Variants in TRPC4AP observed in about 807,000 individuals in gnomAD.
TRPC4AP encodes transient receptor potential cation channel subfamily C member 4 associated protein.
A neutral mutation model predicts 99.0 loss-of-function variants in TRPC4AP; 45 were observed. The observed-to-expected ratio is 0.45, with a 90% CI of 0.36 to 0.58. TRPC4AP has a LOEUF of 0.58. Among genes scored for constraint, TRPC4AP ranks in the 20% least tolerant of loss-of-function variants. TRPC4AP has a pLI of 0.00. For synonymous variants in TRPC4AP, 408 were observed against 385.8 expected, an observed-to-expected ratio of 1.06 and a Z score of -0.67; for missense variants, 879 against 985.3, an observed-to-expected ratio of 0.89 and a Z score of 1.44.
chr20:35,080,211 T>C (rs2084596989), intron 1 of TRPC4AP, among the ~76,000 whole-genome samples: 2 of 151,812 alleles, frequency 1.3e-5, no homozygotes, highest in Admixed American at 1.3e-4. Flanking sequence ...AGTGTCTAAC[T>C]GGGCACAGTG....
At chr20:35,078,535 A>T (rs2084545402) in intron 1 of TRPC4AP, among the ~76,000 whole-genome samples, 1 of 152,194 alleles carries the variant, frequency 6.6e-6, no homozygotes, top group South Asian at 2.1e-4. Flanking sequence ...GAACCATATA[A>T]ACTGCTCAGT....
chr20:35,004,671 A>G (rs752449), intron 16 of TRPC4AP, 101 bp from the exon 17 acceptor site: 689,725 of 930,152 alleles, frequency 0.74, 257,871 homozygotes, highest in Middle Eastern at 0.87. Flanking sequence ...CTCTGAAGCT[A>G]GGAGCTCATC....
At chr20:35,014,201 A>C (rs2082699380) in intron 10 of TRPC4AP, among the ~76,000 whole-genome samples, 1 of 152,156 alleles carries the variant, frequency 6.6e-6, no homozygotes, top group Non-Finnish European at 1.5e-5. Flanking sequence ...ACAGCAAATA[A>C]GGAAAAGCAG....
intron 17 of TRPC4AP, among the ~76,000 whole-genome samples, chr20:35,004,169 C>T (rs1261275227): frequency 3.9e-5 from 6 of 152,158 alleles, no homozygotes; most frequent in Non-Finnish European, 5.9e-5. Context: ...GCCTCAGGTC[C>T]GATTCCAAAG....
At chr20:35,007,156 G>T (rs17317888) in intron 14 of TRPC4AP, among the ~76,000 whole-genome samples, 12,481 of 152,200 alleles carry the variant, frequency 0.082, 594 homozygotes, top group South Asian at 0.13. Flanking sequence ...TATAATTCGT[G>T]GGTCAGTTTC....
chr20:35,078,202 T>G, intron 1 of TRPC4AP, 28 bp from the exon 2 acceptor site: 1 of 1,605,198 alleles, frequency 6.2e-7, no homozygotes, highest in Admixed American at 1.7e-5. Context: ...AGAGAACATA[T>G]TATTGTATTA....
At chr20:35,024,825 C>CCAAAAAAAAAAAAAAAAAAAAAAA (rs1555904985) in intron 8 of TRPC4AP, among the ~76,000 whole-genome samples, 1 of 35,882 alleles carries the variant, frequency 2.8e-5, no homozygotes, top group Non-Finnish European at 5.0e-5. Flanking sequence ...GAGACCGTCT[C>CCAAAAAAAAAAAAAAAAAAAAAAA]AAAAAAAAAA....
intron 10 of TRPC4AP, among the ~76,000 whole-genome samples, chr20:35,014,240 C>T (rs1019933403): frequency 3.3e-5 from 5 of 152,112 alleles, no homozygotes; most frequent in African/African-American, 9.7e-5. Context: ...GGGCAGCCCC[C>T]TCCCTGCCTG....
At chr20:35,071,063 CAAGTTT>C (rs1056303511) in intron 2 of TRPC4AP, among the ~76,000 whole-genome samples, 49 of 152,182 alleles carry the variant, frequency 3.2e-4, no homozygotes, top group Middle Eastern at 6.8e-3. Flanking sequence ...CATTTTTAAA[CAAGTTT>C]AAGAAGCTAT....
chr20:35,033,961 A>T (rs1197751423), intron 8 of TRPC4AP, among the ~76,000 whole-genome samples: 1 of 29,450 alleles, frequency 3.4e-5, no homozygotes, highest in African/African-American at 1.0e-4. Context: ...CTGGCTAACA[A>T]GGTGAAACCC....
At chr20:35,084,444 GTATATGTATATATGTGTGTA>G (rs889299634) in intron 1 of TRPC4AP, among the ~76,000 whole-genome samples, 1 of 149,700 alleles carries the variant, frequency 6.7e-6, no homozygotes, top group African/African-American at 2.4e-5. Flanking sequence ...AGTCAAAAGG[GTATATGTATATATGTGTGTA>G]TATATGTATA....
chr20:35,068,615 G>A (rs925888287), intron 3 of TRPC4AP, among the ~76,000 whole-genome samples: 2 of 151,866 alleles, frequency 1.3e-5, no homozygotes, highest in Admixed American at 6.6e-5. Flanking sequence ...TCTGCCTCCC[G>A]GCTTCAAGCA....
chr20:35,022,952 G>A (rs1160613602), intron 8 of TRPC4AP, among the ~76,000 whole-genome samples: 1 of 151,622 alleles, frequency 6.6e-6, no homozygotes, highest in Non-Finnish European at 1.5e-5. Flanking sequence ...GAGCCTGGAA[G>A]GTGAAGGTTG....
In TRPC4AP at chr20:35,003,559, C is replaced by T. The variant is rs1224111572; in HGVS notation, c.2107G>A (p.Glu703Lys). 8 of 1,613,948 alleles carry T rather than the reference C, an allele frequency of 5.0e-6. No homozygotes were observed. Among genetic ancestry groups the T allele is most frequent in the Non-Finnish European group, 6.8e-6 (8 of 1,179,910 alleles). The change falls in exon 18 of 19, where the codon GAG (glutamate) becomes AAG (lysine). Residue 703 changes from glutamate (E) to lysine (K), a missense_variant. By Grantham distance (56) the Glu-to-Lys change is moderately conservative. Around this residue, in one of 3 missense-constraint regions of TRPC4AP, gnomAD observed 224 missense variants for 264.7 expected, o/e 0.85. Transcript: ENST00000252015. ...LVILMLARRK[E>K]RLPLYLRLLQ... ...AGCCGCAGGTACAGGGGCAGCCGCT[C>T]TTTCCGTCGGGCCAGCATCAGGATC...
intron 8 of TRPC4AP, 150 bp downstream of exon 8, chr20:35,034,971 AAG>A (rs2083285472): frequency 1.4e-6 from 1 of 723,070 alleles, no homozygotes; most frequent in African/African-American, 1.8e-5. Flanking sequence ...AAGCTGTCAA[AAG>A]AGTCTTAATA....
chr20:35,090,706 A>C (rs2085035195), intron 1 of TRPC4AP, among the ~76,000 whole-genome samples: 1 of 152,072 alleles, frequency 6.6e-6, no homozygotes, highest in Non-Finnish European at 1.5e-5. Flanking sequence ...CTCCCATTCT[A>C]AGTCATTCAG....
intron 8 of TRPC4AP, among the ~76,000 whole-genome samples, chr20:35,034,470 T>C (rs1242111462): frequency 6.6e-6 from 1 of 152,152 alleles, no homozygotes; most frequent in African/African-American, 2.4e-5. Context: ...GAAGGAAGCC[T>C]CTGACCTCTT....
At chr20:35,027,793 A>C (rs2083066465) in intron 8 of TRPC4AP, among the ~76,000 whole-genome samples, 1 of 152,038 alleles carries the variant, frequency 6.6e-6, no homozygotes, top group Non-Finnish European at 1.5e-5. Flanking sequence ...TTATTGGCTT[A>C]TATTGTTTAT....
intron 9 of TRPC4AP, 59 bp downstream of exon 9, chr20:35,021,131 C>T: frequency 6.4e-7 from 1 of 1,573,082 alleles, no homozygotes; most frequent in Non-Finnish European, 8.6e-7. Flanking sequence ...ACCTGGCATA[C>T]CATGAGCACC....
Sources: allele counts gnomAD v4.1 joint callset (sites outside exome capture counted in the v4.1 genomes callset), GRCh38; gene constraint gnomAD v4.1.1; regional missense constraint gnomAD v4.1.1; transcripts MANE v1.5; gene names NCBI Gene and HGNC (gene_info 2026-07-23, HGNC 2026-07-21).